MAFG: variants seen among roughly 807,000 people sequenced by gnomAD.
MAFG encodes MAF bZIP transcription factor G, also known as transcription factor MafG.
A neutral mutation model predicts 12.2 loss-of-function variants in MAFG; 3 were observed. The observed-to-expected ratio is 0.25, with a 90% CI of 0.11 to 0.64. MAFG has a LOEUF of 0.64. MAFG is among the 30% of genes least tolerant of loss of function. MAFG has a pLI of 0.85. For missense variants in MAFG, 153 were observed against 235.5 expected, an observed-to-expected ratio of 0.65 and a Z score of 2.29; for synonymous variants, 126 against 109.1, an observed-to-expected ratio of 1.15 and a Z score of -0.96.
rs996098884 is a variant in MAFG, at chr17:81,924,541, C to A, written c.-29-1327G>T. 1 of 152,328 alleles carries A rather than the reference C, an allele frequency of 6.6e-6. No individual in the cohort carries two copies. Among genetic ancestry groups the A allele is most frequent in the African/African-American group, 2.4e-5 (1 of 41,442 alleles). 9.4% of individuals were successfully genotyped at this position (152,328 alleles called of 1,614,324 possible). On this transcript the variant is annotated intron_variant, in intron 1 of 2. Transcript: ENST00000357736. The surrounding 1 kb of genome is among the most constrained non-coding windows in gnomAD (Gnocchi z 4.7). The stretch of plus-strand genomic sequence containing the variant: ...AGTGTGGCCAGGCGGATGCACACAT[C>A]CTCACCAGGCTCAAGACTCCACCTC...
chr17:81,929,051 A>C (rs993761875), upstream of MAFG, among the ~76,000 whole-genome samples: 3 of 152,122 alleles, frequency 2.0e-5, no homozygotes, highest in African/African-American at 7.2e-5. This position sits in a 1 kb window ranked among gnomAD's most constrained non-coding sequence, Gnocchi z 5.7. Context: ...GCCAGGGGTG[A>C]TTGGCCCTGG....
chr17:81,930,658 TA>T (rs1037740642), upstream of MAFG: 6 of 150,672 alleles, frequency 4.0e-5, no homozygotes, highest in Non-Finnish European at 7.4e-5. This position sits in a 1 kb window ranked among gnomAD's most constrained non-coding sequence, Gnocchi z 4.1. Flanking sequence ...AGAACCTCTC[TA>T]AAAAAAAAGG....
Position 81,922,414 on chromosome 17 carries a change from CACG to C in MAFG, c.*188_*190del, listed in dbSNP as rs2040899561. On this transcript the variant is annotated 3_prime_UTR_variant, in exon 3 of 3. Transcript: ENST00000357736. ...CTGACCAATCCCAACATACAAAACA[CACG>C]ACGACAATGACGAGATCAAAGGGGC... 2.1e-6 allele frequency: 1 copy of C among 471,862 alleles called. No individual in the cohort carries two copies. Among genetic ancestry groups the C allele is most frequent in the Admixed American group, 4.0e-5 (1 of 25,058 alleles). 29.2% of individuals were successfully genotyped at this position (471,862 alleles called of 1,614,324 possible). A position where few individuals can be genotyped will look rare whatever the true frequency, so the allele number is the denominator to read the frequency against.
At chr17:81,925,178 A>G (rs777468955) in intron 1 of MAFG, among the ~76,000 whole-genome samples, 1 of 151,972 alleles carries the variant, frequency 6.6e-6, no homozygotes, top group Non-Finnish European at 1.5e-5. Context: ...GGCTGGGCAG[A>G]GCTGGGGCCT....
At position 81,923,307 on chromosome 17, in the gene MAFG, G is replaced by A. The variant is rs538284178; in HGVS notation, c.-29-93C>T. On this transcript the variant is annotated intron_variant, in intron 1 of 2. Coordinates refer to ENST00000357736, the MANE Select transcript of MAFG (RefSeq NM_002359.4). ...GGCCCAGTTCACAAGAGCCCTTGCCGCACAGCCCGCCCCAGCCTGCTGTCC... is the reference window on the plus strand; with the variant it reads ...GGCCCAGTTCACAAGAGCCCTTGCCACACAGCCCGCCCCAGCCTGCTGTCC... 8.6e-3 allele frequency: 6,650 copies of A among 772,542 alleles called. 50 individuals carry two copies. Among genetic ancestry groups the A allele is most frequent in the Non-Finnish European group, 9.7e-3 (5,184 of 533,238 alleles). The allele number at this position is 772,542 out of a possible 1,614,324, so 47.9% of individuals were successfully genotyped here. A position where few individuals can be genotyped will look rare whatever the true frequency, so the allele number is the denominator to read the frequency against.
chr17:81,930,696 G>A (rs568538148), upstream of MAFG: 1 of 152,478 alleles, frequency 6.6e-6, no homozygotes, highest in Admixed American at 6.5e-5. This position sits in a 1 kb window ranked among gnomAD's most constrained non-coding sequence, Gnocchi z 4.1. Context: ...GGGGGCAGAA[G>A]CTGAGCCAAG....
chr17:81,918,727 G>A lies in MAFG; in HGVS notation c.*3878C>T. The A allele has an allele frequency of 6.6e-6, 1 of 152,468 alleles. No homozygotes were observed. The highest frequency in any genetic ancestry group is 2.0e-4 in the South Asian group (1 of 4,900). 9.4% of individuals were successfully genotyped at this position (152,468 alleles called of 1,614,324 possible). ...TCCTGTTGCCAGGAGAAGGCTTTCT[G>A]TGCCCACTCCCGTTTGGTTAAAGGC... On this transcript the variant is annotated 3_prime_UTR_variant, in exon 3 of 3. Coordinates refer to ENST00000357736, the MANE Select transcript of MAFG (RefSeq NM_002359.4).
chr17:81,927,495 A>G (rs960841997), intron 1 of MAFG, 33 bp downstream of exon 1: 1 of 139,212 alleles, frequency 7.2e-6, no homozygotes. Flanking sequence ...CGCCGCCCCC[A>G]CCGCCCGGGC....
At chr17:81,925,280 G>C (rs1281497708) in intron 1 of MAFG, among the ~76,000 whole-genome samples, 1 of 152,218 alleles carries the variant, frequency 6.6e-6, no homozygotes, top group African/African-American at 2.4e-5. Context: ...GGGTACCTAG[G>C]CCACCCATTC....
rs762776200 is a variant in MAFG, at chr17:81,918,282, G to C, written c.*4323C>G. On this transcript the variant is annotated 3_prime_UTR_variant, in exon 3 of 3. Transcript: ENST00000357736. ...AAGCACCTGCCAGTCTCTTTAAAAG[G>C]TTTATTGATCATATACAAAATAAAG... 20 of 612,714 alleles carry C rather than the reference G, an allele frequency of 3.3e-5. No individual in the cohort carries two copies. Among genetic ancestry groups the C allele is most frequent in the Non-Finnish European group, 4.9e-5 (19 of 389,784 alleles). The allele number at this position is 612,714 out of a possible 1,614,324, so 38.0% of individuals were successfully genotyped here.
rs2040893652 is a variant in MAFG, at chr17:81,921,845, T to G, written c.*760A>C. ...TTTTCTTTAACTTTTAAACATATAA[T>G]TAATTTAATAACTTTGTAAAAGGAA... On this transcript the variant is annotated 3_prime_UTR_variant, in exon 3 of 3. Coordinates refer to ENST00000357736, the MANE Select transcript of MAFG (RefSeq NM_002359.4). 1 of 152,052 alleles carries G rather than the reference T, an allele frequency of 6.6e-6. No homozygotes were observed. The highest frequency in any genetic ancestry group is 1.5e-5 in the Non-Finnish European group (1 of 67,962). The allele number at this position is 152,052 out of a possible 1,614,324, so 9.4% of individuals were successfully genotyped here.
chr17:81,926,941 T>G lies in MAFG; in HGVS notation c.-30+587A>C, dbSNP rs2040944789. Among the ~76,000 whole-genome samples, 1 of 151,964 alleles carries G rather than the reference T, an allele frequency of 6.6e-6. No individual in the cohort carries two copies. Among genetic ancestry groups the G allele is most frequent in the Non-Finnish European group, 1.5e-5 (1 of 67,972 alleles). ...CGCTCGAATCCCCTCCGGTATCAGC[T>G]TGAGCACCGAGTGACCTCACGCTGA... On this transcript the variant is annotated intron_variant, in intron 1 of 2. Transcript: ENST00000357736. The surrounding 1 kb of genome is among the most constrained non-coding windows in gnomAD (Gnocchi z 4.6).
rs748193171 is a variant in MAFG, at chr17:81,920,363, T to C, written c.*2242A>G. 9.9e-5 allele frequency: 15 copies of C among 152,202 alleles called. No homozygotes were observed. Among genetic ancestry groups the C allele is most frequent in the Non-Finnish European group, 2.1e-4 (14 of 68,028 alleles). The allele number at this position is 152,202 out of a possible 1,614,324, so 9.4% of individuals were successfully genotyped here. ...CCTGTGGGCACACCAGGCCAAACTATTGGATAAAAATCCCACCATCCATAG... is the reference window on the plus strand; with the variant it reads ...CCTGTGGGCACACCAGGCCAAACTACTGGATAAAAATCCCACCATCCATAG... On this transcript the variant is annotated 3_prime_UTR_variant, in exon 3 of 3. Transcript: ENST00000357736.
rs1197627163 is a variant in MAFG at position 81,924,218 on chromosome 17, A to C, written c.-29-1004T>G. ...TGCTCTCTGGTCCCTGCCCCGGGTG[A>C]GTGCCCACAGGGCCAGGGAGCAAAA... On this transcript the variant is annotated intron_variant, in intron 1 of 2. Transcript: ENST00000357736. The surrounding 1 kb of genome is among the most constrained non-coding windows in gnomAD (Gnocchi z 4.7). 6.6e-6 allele frequency: 1 copy of C among 152,266 alleles called. No homozygotes were observed. Among genetic ancestry groups the C allele is most frequent in the Non-Finnish European group, 1.5e-5 (1 of 68,064 alleles). The allele number at this position is 152,266 out of a possible 1,614,324, so 9.4% of individuals were successfully genotyped here. A position where few individuals can be genotyped will look rare whatever the true frequency, so the allele number is the denominator to read the frequency against.
Position 81,922,746 on chromosome 17 carries a change from G to T in MAFG, c.348C>A (p.Thr116=). Residue 116 remains threonine (T), a synonymous_variant, in exon 3 of 3, where the codon ACC becomes ACA. Coordinates refer to ENST00000357736, the MANE Select transcript of MAFG (RefSeq NM_002359.4). ...ALRSKYEALQ[T]FARTVARSPV... ...GGCTGCGGGCCACCGTCCGGGCGAAGGTCTGCAGCGCCTCGTACTTGGAGC... is the reference window on the plus strand; with the variant it reads ...GGCTGCGGGCCACCGTCCGGGCGAATGTCTGCAGCGCCTCGTACTTGGAGC... 1 of 1,586,210 alleles carries T rather than the reference G, an allele frequency of 6.3e-7. No individual in the cohort carries two copies. Among genetic ancestry groups the T allele is most frequent in the South Asian group, 1.1e-5 (1 of 87,864 alleles).
rs1455965238 is a variant in MAFG, at chr17:81,926,311, T to C, written c.-30+1217A>G. 1.3e-5 allele frequency among the ~76,000 whole-genome samples: 2 copies of C among 152,072 alleles called. No individual in the cohort carries two copies. Among genetic ancestry groups the C allele is most frequent in the East Asian group, 3.8e-4 (2 of 5,198 alleles). On this transcript the variant is annotated intron_variant, in intron 1 of 2. Transcript: ENST00000357736. This position sits in a 1 kb window ranked among gnomAD's most constrained non-coding sequence, Gnocchi z 4.6. ...CTGGGTGCTGCGTTCTGCCACCCTG[T>C]GCCATCCACACCAGCCCATCTGCTG...
In MAFG at chr17:81,918,554, C is replaced by G. The variant is rs2143801536; in HGVS notation, c.*4051G>C. ...ACTTAGATCTTTAATAACCTCCATC[C>G]CACCCCAGCAGATCCCGGGGTCTTC... On this transcript the variant is annotated 3_prime_UTR_variant, in exon 3 of 3. Transcript: ENST00000357736. 6.4e-6 allele frequency: 1 copy of G among 155,700 alleles called. No homozygotes were observed. The highest frequency in any genetic ancestry group is 1.9e-4 in the East Asian group (1 of 5,228). The allele number at this position is 155,700 out of a possible 1,614,324, so 9.6% of individuals were successfully genotyped here.
At position 81,921,619 on chromosome 17, in the gene MAFG, G is replaced by A. The variant is rs1370346491; in HGVS notation, c.*986C>T. 1.3e-5 allele frequency: 2 copies of A among 149,226 alleles called. No homozygotes were observed. Among genetic ancestry groups the A allele is most frequent in the Non-Finnish European group, 3.0e-5 (2 of 67,536 alleles). 9.2% of individuals were successfully genotyped at this position (149,226 alleles called of 1,614,324 possible). ...TATAAATAATGTCTGATAACTCTGT[G>A]TATATAAAAACTAAACTCCAACAGC... On this transcript the variant is annotated 3_prime_UTR_variant, in exon 3 of 3. Transcript: ENST00000357736.
chr17:81,925,022 G>T (rs929323079), intron 1 of MAFG, among the ~76,000 whole-genome samples: 1 of 151,530 alleles, frequency 6.6e-6, no homozygotes, highest in Non-Finnish European at 1.5e-5. Flanking sequence ...AAGGTGCGCC[G>T]GGGGGTGGGG....
Sources: gnomAD v4.1 joint callset for allele counts (sites outside exome capture counted in the v4.1 genomes callset) on GRCh38, gnomAD v4.1.1 for gene constraint, Gnocchi (gnomAD v3.1) non-coding constraint, MANE v1.5 for transcripts, NCBI Gene and HGNC (gene_info 2026-07-23, HGNC 2026-07-21) for gene names.